Variants in NFIL3 observed in about 807,000 individuals in gnomAD.
NFIL3 encodes the protein nuclear factor, interleukin 3 regulated.
NFIL3 carries 5 observed loss-of-function variants against 10.0 expected under a neutral mutation model. That is an observed-to-expected ratio of 0.50 (90% CI 0.26 to 1.06). The LOEUF (loss-of-function observed/expected upper bound fraction) is 1.06. NFIL3 is among the 50% of genes least tolerant of loss of function. The pLI, the probability that NFIL3 is intolerant of heterozygous loss-of-function variation, is 0.13. For missense variants in NFIL3, 436 were observed against 547.6 expected, an observed-to-expected ratio of 0.80 and a Z score of 2.03; for synonymous variants, 202 against 206.5, an observed-to-expected ratio of 0.98 and a Z score of 0.19.
chr9:91,470,926 T>C, the NFIL3 span, among the ~76,000 whole-genome samples: 2 of 152,088 alleles, frequency 1.3e-5, no homozygotes, highest in Admixed American at 6.5e-5. Flanking sequence ...TGCTGAGGAG[T>C]GCTTTACTTC....
At chr9:91,425,351 C>T (rs1200382395), upstream of NFIL3, among the ~76,000 whole-genome samples, 1 of 152,174 alleles carries the variant, frequency 6.6e-6, no homozygotes, top group Non-Finnish European at 1.5e-5. Context: ...ATCATAATAA[C>T]GCAAGTCATA....
the NFIL3 span, among the ~76,000 whole-genome samples, chr9:91,451,599 G>A: frequency 6.6e-6 from 1 of 152,156 alleles, no homozygotes; most frequent in Admixed American, 6.5e-5. Context: ...CCATTCCTCA[G>A]GATTGTATTT....
the NFIL3 span, among the ~76,000 whole-genome samples, chr9:91,432,977 CAAT>C: frequency 6.6e-6 from 1 of 152,078 alleles, no homozygotes; most frequent in Non-Finnish European, 1.5e-5. Context: ...AATGGTGAAA[CAAT>C]AAAGTCCTTC....
the NFIL3 span, among the ~76,000 whole-genome samples, chr9:91,438,410 C>T: frequency 7.3e-3 from 1,115 of 152,178 alleles, 6 homozygotes; most frequent in Non-Finnish European, 0.011. Context: ...TGGATGATAA[C>T]CCCTTATCAG....
upstream of NFIL3, among the ~76,000 whole-genome samples, chr9:91,424,810 C>T (rs955551688): frequency 6.6e-5 from 10 of 152,232 alleles, no homozygotes; most frequent in Admixed American, 2.0e-4. Flanking sequence ...GACGACCGCG[C>T]GGGATCTCTT....
Position 91,409,964 on chromosome 9 carries a change from G to A in NFIL3, c.771C>T (p.His257=), listed in dbSNP as rs201367476. ...GGTTGACTTGCAGTAGTGGGGGAGA[G>A]TGTGAGTACCCAGAGAAAGAATTCC... ...YMGNSFSGYS[H]SPPLLQVNRS... Residue 257 remains histidine (H), a synonymous_variant, in exon 2 of 2, where the codon CAC becomes CAT. Coordinates refer to ENST00000297689, the MANE Select transcript of NFIL3 (RefSeq NM_005384.3). 3.4e-5 allele frequency: 55 copies of A among 1,613,720 alleles called. No homozygotes were observed. Among genetic ancestry groups the A allele is most frequent in the Admixed American group, 1.0e-4 (6 of 60,008 alleles).
chr9:91,469,992 C>CT, the NFIL3 span, among the ~76,000 whole-genome samples: 2 of 152,010 alleles, frequency 1.3e-5, no homozygotes, highest in Non-Finnish European at 2.9e-5. Flanking sequence ...GTAAAATTCT[C>CT]TTTTTTTGTG....
At chr9:91,429,412 A>T in the NFIL3 span, among the ~76,000 whole-genome samples, 1 of 152,300 alleles carries the variant, frequency 6.6e-6, no homozygotes, top group East Asian at 1.9e-4. Flanking sequence ...GAAAAACTGC[A>T]AATGTGGCAT....
chr9:91,476,784 G>T, the NFIL3 span, among the ~76,000 whole-genome samples: 1 of 152,194 alleles, frequency 6.6e-6, no homozygotes, highest in African/African-American at 2.4e-5. Flanking sequence ...ACTTTTTACT[G>T]TGATAAAGGA....
Position 91,410,978 on chromosome 9 carries a change from A to G in NFIL3, c.-172-72T>C, listed in dbSNP as rs752347680. ...GTTTATTACAAATTATGTACAAGGAAATATGCTAAGCATTTAGGGCATACA... is the reference window on the plus strand; with the variant it reads ...GTTTATTACAAATTATGTACAAGGAGATATGCTAAGCATTTAGGGCATACA... On this transcript the variant is annotated intron_variant, in intron 1 of 1. Coordinates refer to ENST00000297689, the MANE Select transcript of NFIL3 (RefSeq NM_005384.3). This position sits in a 1 kb window ranked among gnomAD's most constrained non-coding sequence, Gnocchi z 5.7. The G allele has an allele frequency of 2.1e-6, 1 of 483,856 alleles. No homozygotes were observed. Among genetic ancestry groups the G allele is most frequent in the Non-Finnish European group, 3.7e-6 (1 of 268,522 alleles). The allele number at this position is 483,856 out of a possible 1,614,324, so 30.0% of individuals were successfully genotyped here.
At chr9:91,472,159 G>T in the NFIL3 span, among the ~76,000 whole-genome samples, 1 of 152,102 alleles carries the variant, frequency 6.6e-6, no homozygotes, top group South Asian at 2.1e-4. Context: ...TTTCAACCTT[G>T]GTGAATCTGA....
chr9:91,455,103 G>C, the NFIL3 span, among the ~76,000 whole-genome samples: 3 of 152,178 alleles, frequency 2.0e-5, no homozygotes, highest in Non-Finnish European at 4.4e-5. Flanking sequence ...ATACGAATAT[G>C]AGGGTGATGT....
chr9:91,426,040 A>T (rs902257737), upstream of NFIL3, among the ~76,000 whole-genome samples: 1 of 152,202 alleles, frequency 6.6e-6, no homozygotes, highest in Non-Finnish European at 1.5e-5. Context: ...CTTTAAAGAC[A>T]ACTCGACCTT....
At chr9:91,424,729 C>T (rs1397107819), upstream of NFIL3, among the ~76,000 whole-genome samples, 1 of 152,220 alleles carries the variant, frequency 6.6e-6, no homozygotes, top group Admixed American at 6.5e-5. Flanking sequence ...CGGCGTTCCT[C>T]GGAGGATGTG....
chr9:91,439,144 T>C, the NFIL3 span, among the ~76,000 whole-genome samples: 2 of 152,214 alleles, frequency 1.3e-5, no homozygotes, highest in Non-Finnish European at 2.9e-5. Flanking sequence ...ATTGTATTCA[T>C]GGGCATGGGA....
At chr9:91,466,565 G>C in the NFIL3 span, among the ~76,000 whole-genome samples, 2 of 152,114 alleles carry the variant, frequency 1.3e-5, no homozygotes, top group African/African-American at 4.8e-5. Context: ...CTGTATCATA[G>C]TATTTAAGCA....
the NFIL3 span, among the ~76,000 whole-genome samples, chr9:91,431,322 G>A: frequency 6.6e-6 from 1 of 152,162 alleles, no homozygotes; most frequent in Non-Finnish European, 1.5e-5. Flanking sequence ...AAACCTTGAT[G>A]CCTCAGTTTC....
At chr9:91,469,756 G>T in the NFIL3 span, among the ~76,000 whole-genome samples, 1 of 152,142 alleles carries the variant, frequency 6.6e-6, no homozygotes, top group Non-Finnish European at 1.5e-5. Context: ...GTTGAATTTA[G>T]TCAAAGGCCT....
At chr9:91,465,934 GTTA>G in the NFIL3 span, among the ~76,000 whole-genome samples, 4 of 152,118 alleles carry the variant, frequency 2.6e-5, no homozygotes, top group Admixed American at 2.0e-4. Flanking sequence ...GGAACCCACT[GTTA>G]TTATACTACA....
Sources: gnomAD v4.1 joint callset for allele counts (sites outside exome capture counted in the v4.1 genomes callset) on GRCh38, gnomAD v4.1.1 for gene constraint, Gnocchi (gnomAD v3.1) non-coding constraint, MANE v1.5 for transcripts, NCBI Gene and HGNC (gene_info 2026-07-23, HGNC 2026-07-21) for gene names.